TTLL11: variants seen among roughly 807,000 people sequenced by gnomAD.
TTLL11 encodes tubulin polyglutamylase TTLL11.
In TTLL11, 42 loss-of-function variants were observed where a neutral mutation model predicts 51.7. That is an observed-to-expected ratio of 0.81 (90% CI 0.64 to 1.05). TTLL11 has a LOEUF of 1.05. TTLL11 is among the 50% of genes least tolerant of loss of function. TTLL11 has a pLI of 0.00. For missense variants in TTLL11, 799 were observed against 940.4 expected (o/e 0.85, Z 1.97); for synonymous variants, 381 against 383.5 (o/e 0.99, Z 0.08).
intron 3 of TTLL11, among the ~76,000 whole-genome samples, chr9:121,992,172 C>T (rs1843133918): frequency 6.6e-6 from 1 of 152,116 alleles, no homozygotes; most frequent in Non-Finnish European, 1.5e-5. Context: ...TGTCTGGGTT[C>T]CTTGCTTGTT....
intron 7 of TTLL11, among the ~76,000 whole-genome samples, chr9:121,864,998 T>C (rs1167162614): frequency 6.6e-6 from 1 of 152,088 alleles, no homozygotes; most frequent in Non-Finnish European, 1.5e-5. Context: ...AGCTAACAAA[T>C]GATCAATATT....
At chr9:121,873,614 GCCTCCTCCT>G (rs71370698) in intron 6 of TTLL11, among the ~76,000 whole-genome samples, 2 of 144,126 alleles carry the variant, frequency 1.4e-5, no homozygotes, top group Non-Finnish European at 3.0e-5. Flanking sequence ...GCCCAGTCCC[GCCTCCTCCT>G]CCTCCTCCTC....
At chr9:121,874,367 G>C (rs761602167) in intron 6 of TTLL11, among the ~76,000 whole-genome samples, 45 of 152,120 alleles carry the variant, frequency 3.0e-4, no homozygotes, top group Non-Finnish European at 5.0e-4. Flanking sequence ...TGGAATTATT[G>C]ATTTTTTATT....
chr9:121,836,389 TAAC>T (rs1181274196), intron 8 of TTLL11, among the ~76,000 whole-genome samples: 2 of 152,154 alleles, frequency 1.3e-5, no homozygotes, highest in African/African-American at 4.8e-5. Context: ...CTGACATTGC[TAAC>T]AACAGCCATC....
At chr9:121,871,237 A>T (rs1260588851) in intron 6 of TTLL11, among the ~76,000 whole-genome samples, 52 of 150,450 alleles carry the variant, frequency 3.5e-4, no homozygotes, top group East Asian at 3.9e-4. Flanking sequence ...TTTTTTTTTT[A>T]AATTTGGAAT....
chr9:122,088,399 T>C (rs920910522), intron 1 of TTLL11, among the ~76,000 whole-genome samples: 2 of 152,200 alleles, frequency 1.3e-5, no homozygotes, highest in African/African-American at 4.8e-5. Context: ...CACATCTACA[T>C]CTGCGACCTC....
chr9:122,015,897 T>C (rs1843959531), intron 3 of TTLL11, among the ~76,000 whole-genome samples: 1 of 152,098 alleles, frequency 6.6e-6, no homozygotes, highest in South Asian at 2.1e-4. Context: ...GTTCCTACTG[T>C]GTGCCAGGCA....
rs2131396571 is a variant in TTLL11, at chr9:121,870,565, C to T, written c.1665G>A (p.Leu555=). 3.2e-6 allele frequency: 5 copies of T among 1,551,712 alleles called. No individual in the cohort carries two copies. The highest frequency in any genetic ancestry group is 3.5e-6 in the Non-Finnish European group (4 of 1,146,994). Residue 555 remains leucine (L), a synonymous_variant, in exon 7 of 9, where the codon TTG becomes TTA. Coordinates refer to ENST00000321582, the MANE Select transcript of TTLL11 (RefSeq NM_001139442.2). ...YLRLVDRMAN[L]FIRFLGIKGT... is the part of the protein sequence containing the mutation. ...CCTTGATGCCCAGGAACCGGATAAACAAATTTGCCATCCTGTCCACCAGGC... is the reference window on the plus strand; with the variant it reads ...CCTTGATGCCCAGGAACCGGATAAATAAATTTGCCATCCTGTCCACCAGGC...
At chr9:121,837,007 G>T (rs1418042729) in intron 8 of TTLL11, among the ~76,000 whole-genome samples, 2 of 152,122 alleles carry the variant, frequency 1.3e-5, no homozygotes, top group African/African-American at 4.8e-5. Flanking sequence ...ATATAATTTT[G>T]CACACAAATA....
intron 8 of TTLL11, among the ~76,000 whole-genome samples, chr9:121,828,089 T>TA (rs1212324570): frequency 1.3e-5 from 2 of 152,130 alleles, no homozygotes; most frequent in Non-Finnish European, 2.9e-5. Flanking sequence ...CTCCAGCACT[T>TA]ACATGTTCTT....
chr9:122,031,706 G>C lies in TTLL11; in HGVS notation c.693+17C>G. 6.2e-7 allele frequency: 1 copy of C among 1,611,360 alleles called. No individual in the cohort carries two copies. The highest frequency in any genetic ancestry group is 8.5e-7 in the Non-Finnish European group (1 of 1,179,452). ...CATAATATAATTCAGGGGTCATGGG[G>C]ACGGAGTGCCATCTACCTGAGCAAC... On this transcript the variant is annotated intron_variant, in intron 3 of 8. Transcript: ENST00000321582.
At chr9:121,904,252 C>T (rs570358116) in intron 6 of TTLL11, among the ~76,000 whole-genome samples, 2 of 151,970 alleles carry the variant, frequency 1.3e-5, no homozygotes, top group African/African-American at 2.4e-5. Context: ...TCTTGGCTCA[C>T]TGCAACCTCC....
At chr9:121,914,118 A>G (rs1233938673) in intron 6 of TTLL11, among the ~76,000 whole-genome samples, 1 of 152,248 alleles carries the variant, frequency 6.6e-6, no homozygotes, top group Admixed American at 6.5e-5. Context: ...CTCTTGTTCT[A>G]TCCCCCATAG....
At chr9:121,926,088 T>A (rs1840720107) in intron 6 of TTLL11, among the ~76,000 whole-genome samples, 1 of 152,218 alleles carries the variant, frequency 6.6e-6, no homozygotes, top group South Asian at 2.1e-4. Context: ...GGTTTTTTAA[T>A]CTTTGCAGGC....
intron 6 of TTLL11, among the ~76,000 whole-genome samples, chr9:121,952,989 C>A (rs567236713): frequency 5.9e-5 from 9 of 152,248 alleles, no homozygotes; most frequent in African/African-American, 1.9e-4. Context: ...TATTGGCCCT[C>A]CTTCAAAGAT....
At chr9:121,921,026 A>C (rs756917927) in intron 6 of TTLL11, among the ~76,000 whole-genome samples, 1 of 152,258 alleles carries the variant, frequency 6.6e-6, no homozygotes, top group Non-Finnish European at 1.5e-5. Context: ...GTTAACTCAT[A>C]AACTTAATCT....
At chr9:121,898,209 C>A (rs1037542269) in intron 6 of TTLL11, among the ~76,000 whole-genome samples, 1 of 152,180 alleles carries the variant, frequency 6.6e-6, no homozygotes, top group Non-Finnish European at 1.5e-5. Context: ...CCACCATGTC[C>A]GGCTCCATTC....
chr9:121,978,707 C>T (rs893297078), intron 4 of TTLL11, among the ~76,000 whole-genome samples: 6 of 152,050 alleles, frequency 3.9e-5, no homozygotes, highest in African/African-American at 1.2e-4. Context: ...CCTTCATTCC[C>T]GACCTCTAGA....
chr9:122,035,079 G>A (rs1844666136), intron 2 of TTLL11, among the ~76,000 whole-genome samples: 1 of 152,202 alleles, frequency 6.6e-6, no homozygotes, highest in Admixed American at 6.5e-5. Context: ...CTGAGTGGCT[G>A]CCTTAGCAAT....
Sources: gnomAD v4.1 joint callset for allele counts (sites outside exome capture counted in the v4.1 genomes callset) on GRCh38, gnomAD v4.1.1 for gene constraint, MANE v1.5 for transcripts, NCBI Gene and HGNC (gene_info 2026-07-23, HGNC 2026-07-21) for gene names.